The following MKX variants were observed in gnomAD, a reference collection of about 807,000 sequenced individuals.
MKX encodes homeobox protein Mohawk.
In MKX, 13 loss-of-function variants were observed where a neutral mutation model predicts 36.0. That is an observed-to-expected ratio of 0.36 (90% CI 0.24 to 0.57). MKX has a LOEUF of 0.57. Ranked by LOEUF, MKX falls within the 20% of genes least tolerant of loss-of-function variation. The pLI, the probability that MKX is intolerant of heterozygous loss-of-function variation, is 0.79. For missense variants in MKX, 458 were observed against 456.4 expected (o/e 1.00, Z -0.03); for synonymous variants, 176 against 178.3 (o/e 0.99, Z 0.10).
chr10:27,702,012 G>C (rs1444613421), intron 5 of MKX, among the ~76,000 whole-genome samples: 1 of 152,014 alleles, frequency 6.6e-6, no homozygotes, highest in Non-Finnish European at 1.5e-5. Context: ...CAATCTCCAG[G>C]AGAGAATACA....
At position 27,716,426 on chromosome 10, in the gene MKX, A is replaced by G. The variant is rs548783964; in HGVS notation, c.838+18030T>C. Among the ~76,000 whole-genome samples the G allele has an allele frequency of 1.2e-4, 13 of 109,186 alleles. No homozygotes were observed. In the South Asian group the frequency reaches 4.0e-3, roughly 33 times the overall value. 71.6% of individuals were successfully genotyped at this position (109,186 alleles called of 152,430 possible). A position where few individuals can be genotyped will look rare whatever the true frequency, so the allele number is the denominator to read the frequency against. On this transcript the variant is annotated intron_variant, in intron 5 of 6. Coordinates refer to ENST00000419761, the MANE Select transcript of MKX (RefSeq NM_173576.3). ...TGACAGAGTCAGACTCTGTCTCAAAAAAAAAAAAGCAAAAAAAAAAAAAAG... is the reference window on the plus strand; with the variant it reads ...TGACAGAGTCAGACTCTGTCTCAAAGAAAAAAAAGCAAAAAAAAAAAAAAG...
At chr10:27,685,824 A>G (rs931313210) in intron 5 of MKX, among the ~76,000 whole-genome samples, 7 of 152,198 alleles carry the variant, frequency 4.6e-5, no homozygotes, top group African/African-American at 1.7e-4. Context: ...ATAACTGCTA[A>G]ACAGTTCCTA....
intron 5 of MKX, among the ~76,000 whole-genome samples, chr10:27,730,212 T>C (rs1326685872): frequency 6.6e-6 from 1 of 152,216 alleles, no homozygotes; most frequent in African/African-American, 2.4e-5. Flanking sequence ...CAAAAATGTT[T>C]CAACCCATTT....
rs571643692 is a variant in MKX, at chr10:27,738,506, C to T, written c.348+2839G>A. On this transcript the variant is annotated intron_variant, in intron 3 of 6. Transcript: ENST00000419761. ...AGGTTCTGGAACAGAATTTTAATGT[C>T]AAACTGAATGCTATATGTGTATATA... Among the ~76,000 whole-genome samples, 7 of 152,128 alleles carry T rather than the reference C, an allele frequency of 4.6e-5. No individual in the cohort carries two copies. In the East Asian group the frequency reaches 1.4e-3, roughly 29 times the overall value.
intron 5 of MKX, among the ~76,000 whole-genome samples, chr10:27,709,172 A>C (rs1836809454): frequency 1.9e-5 from 1 of 52,616 alleles, no homozygotes; most frequent in African/African-American, 7.5e-5. Flanking sequence ...CTGTCTCAAA[A>C]GAAAAAAGTA....
At chr10:27,716,436 C>CAAAAAAAAAAAAAAAA (rs56913373) in intron 5 of MKX, among the ~76,000 whole-genome samples, 1 of 127,674 alleles carries the variant, frequency 7.8e-6, no homozygotes, top group Non-Finnish European at 1.6e-5. Context: ...AAAAAAAAAG[C>CAAAAAAAAAAAAAAAA]AAAAAAAAAA....
At chr10:27,726,567 A>T (rs983611888) in intron 5 of MKX, among the ~76,000 whole-genome samples, 7 of 152,118 alleles carry the variant, frequency 4.6e-5, no homozygotes, top group African/African-American at 1.7e-4. Flanking sequence ...GATTTTTTTT[A>T]AACTCTCTAA....
chr10:27,711,499 T>TCCCTTCCTTCC (rs1554772224), intron 5 of MKX, among the ~76,000 whole-genome samples: 1 of 93,030 alleles, frequency 1.1e-5, no homozygotes, highest in Non-Finnish European at 2.0e-5. Flanking sequence ...CTCTCTCTTC[T>TCCCTTCCTTCC]TTCCTTCCTT....
intron 5 of MKX, among the ~76,000 whole-genome samples, chr10:27,680,120 T>C (rs1836227094): frequency 6.6e-6 from 1 of 152,130 alleles, no homozygotes; most frequent in South Asian, 2.1e-4. Flanking sequence ...GTATGTAGAC[T>C]CTTGAGAGCA....
chr10:27,711,512 T>TG (rs1564357167), intron 5 of MKX, among the ~76,000 whole-genome samples: 1 of 136,242 alleles, frequency 7.3e-6, no homozygotes, highest in African/African-American at 3.0e-5. Flanking sequence ...CCTTCCTTCC[T>TG]TCCTTCCTTC....
At chr10:27,734,154 C>T (rs1258924535) in intron 5 of MKX, among the ~76,000 whole-genome samples, 1 of 151,560 alleles carries the variant, frequency 6.6e-6, no homozygotes, top group Non-Finnish European at 1.5e-5. Flanking sequence ...ATTCTTCCAT[C>T]TTGAGTTAAT....
At chr10:27,690,431 T>TA (rs765883070) in intron 5 of MKX, among the ~76,000 whole-genome samples, 11 of 151,648 alleles carry the variant, frequency 7.3e-5, no homozygotes, top group Non-Finnish European at 1.3e-4. Context: ...GGGAGGAAAA[T>TA]AAAAAACATT....
chr10:27,678,391 T>A (rs1253409150), intron 5 of MKX, among the ~76,000 whole-genome samples: 2 of 152,230 alleles, frequency 1.3e-5, no homozygotes. Flanking sequence ...ATTTATTCAA[T>A]GGAAAGACTT....
chr10:27,674,963 C>T lies in MKX; in HGVS notation c.*266G>A, dbSNP rs2130809. 91,624 of 298,480 alleles carry T rather than the reference C, an allele frequency of 0.31. 15,109 individuals carry two copies. Among genetic ancestry groups the T allele is most frequent in the Middle Eastern group, 0.35 (301 of 864 alleles). 18.5% of individuals were successfully genotyped at this position (298,480 alleles called of 1,614,324 possible). ...CTATGCCCACGTTGGAGCTTATTGT[C>T]GGGAAGCAAGGCACTTACTGTAATG... On this transcript the variant is annotated 3_prime_UTR_variant, in exon 7 of 7. Coordinates refer to ENST00000419761, the MANE Select transcript of MKX (RefSeq NM_173576.3).
chr10:27,679,924 C>G (rs1482142152), intron 5 of MKX, among the ~76,000 whole-genome samples: 2 of 152,050 alleles, frequency 1.3e-5, no homozygotes, highest in African/African-American at 4.8e-5. Context: ...ATTTGAGGAG[C>G]AGTGGGTCTG....
At chr10:27,735,735 G>T (rs182591327) in intron 3 of MKX, among the ~76,000 whole-genome samples, 1 of 152,292 alleles carries the variant, frequency 6.6e-6, no homozygotes, top group East Asian at 1.9e-4. Flanking sequence ...GGAAAGAGGG[G>T]TTACTTTCAT....
At chr10:27,713,555 C>T (rs1327573488) in intron 5 of MKX, among the ~76,000 whole-genome samples, 6 of 152,132 alleles carry the variant, frequency 3.9e-5, no homozygotes, top group African/African-American at 1.4e-4. Context: ...CTTTCTGGCT[C>T]TGCCATTAAG....
At chr10:27,717,690 T>C (rs1419975455) in intron 5 of MKX, among the ~76,000 whole-genome samples, 2 of 152,240 alleles carry the variant, frequency 1.3e-5, no homozygotes, top group Non-Finnish European at 2.9e-5. Flanking sequence ...TATGCTGCAA[T>C]TGTTAGCTAG....
At chr10:27,682,511 G>T (rs1016643103) in intron 5 of MKX, among the ~76,000 whole-genome samples, 1 of 152,134 alleles carries the variant, frequency 6.6e-6, no homozygotes, top group Non-Finnish European at 1.5e-5. Context: ...TCTGTTCATG[G>T]TAAGTGCCTT....
Sources: gnomAD v4.1 joint callset for allele counts (sites outside exome capture counted in the v4.1 genomes callset) on GRCh38, gnomAD v4.1.1 for gene constraint, MANE v1.5 for transcripts, NCBI Gene and HGNC (gene_info 2026-07-23, HGNC 2026-07-21) for gene names.